Variants in DLGAP3 observed in about 807,000 individuals in gnomAD.
DLGAP3 encodes the protein disks large-associated protein 3.
A neutral mutation model predicts 81.2 loss-of-function variants in DLGAP3; 17 were observed. The ratio of observed to expected loss-of-function variants is 0.21; its 90% CI spans 0.14 to 0.31. The LOEUF (loss-of-function observed/expected upper bound fraction) is 0.31. Ranked by LOEUF, DLGAP3 falls within the 10% of genes least tolerant of loss-of-function variation. The probability of loss-of-function intolerance (pLI) is 1.00; values close to 1 mark genes in which losing one functional copy is unlikely to be tolerated. For synonymous variants in DLGAP3, 577 were observed against 587.4 expected (o/e 0.98, Z 0.26); for missense variants, 1,124 against 1,388.0 (o/e 0.81, Z 3.02).
At chr1:34,918,301 T>C (rs1368391241) in intron 1 of DLGAP3, among the ~76,000 whole-genome samples, 1 of 152,134 alleles carries the variant, frequency 6.6e-6, no homozygotes, top group Non-Finnish European at 1.5e-5. Flanking sequence ...CACCTCGAGG[T>C]GTGCCCTGGG....
At chr1:34,907,238 C>T (rs1003959929) in intron 2 of DLGAP3, 117 bp downstream of exon 2, 2 of 152,528 alleles carry the variant, frequency 1.3e-5, no homozygotes, top group African/African-American at 4.8e-5. Context: ...GAGCTCAAAA[C>T]GTTGAGGTCA....
chr1:34,904,293 G>A lies in DLGAP3; in HGVS notation c.1091C>T (p.Thr364Ile). The change falls in exon 3 of 12, where the codon ACT (threonine) becomes ATT (isoleucine). Residue 364 changes from threonine to isoleucine, a missense_variant. Coordinates refer to ENST00000373347, the MANE Select transcript of DLGAP3 (RefSeq NM_001080418.3). The surrounding 1 kb of genome is among the most constrained non-coding windows in gnomAD (Gnocchi z 8.1). ...LGPETKAKAR[T>I]YHYLQVPQDD... is the part of the protein sequence containing the mutation. ...AAGCCTCACCTGCAGATAGTGATAAGTCCTGGCTTTGGCCTTGGTCTCCGG... is the reference window on the plus strand; with the variant it reads ...AAGCCTCACCTGCAGATAGTGATAAATCCTGGCTTTGGCCTTGGTCTCCGG... 1 of 1,605,606 alleles carries A rather than the reference G, an allele frequency of 6.2e-7. No homozygotes were observed. The highest frequency in any genetic ancestry group is 8.5e-7 in the Non-Finnish European group (1 of 1,180,002).
intron 1 of DLGAP3, among the ~76,000 whole-genome samples, chr1:34,912,884 C>T (rs983665212): frequency 1.3e-5 from 2 of 152,202 alleles, no homozygotes; most frequent in Admixed American, 6.5e-5. Context: ...CTGCCCGCTC[C>T]GGCCCAGCCC....
chr1:34,914,010 AG>A (rs1311839664), intron 1 of DLGAP3, among the ~76,000 whole-genome samples: 1 of 152,158 alleles, frequency 6.6e-6, no homozygotes, highest in African/African-American at 2.4e-5. Context: ...AGAAGGAAAA[AG>A]GTGGCCCTCC....
chr1:34,918,081 G>A (rs1012826701), intron 1 of DLGAP3, among the ~76,000 whole-genome samples: 2 of 152,194 alleles, frequency 1.3e-5, no homozygotes, highest in African/African-American at 4.8e-5. Flanking sequence ...TGAGGCACAG[G>A]CAGAACCCTC....
chr1:34,919,050 C>A (rs1485912454), intron 1 of DLGAP3, among the ~76,000 whole-genome samples: 1 of 152,206 alleles, frequency 6.6e-6, no homozygotes, highest in Non-Finnish European at 1.5e-5. Flanking sequence ...GGCAGGTGGG[C>A]GGCTCTGGCG....
rs754237871 is a variant in DLGAP3 at position 34,868,843 on chromosome 1, C to T, written c.2247G>A (p.Pro749=). 7.6e-6 allele frequency: 12 copies of T among 1,581,084 alleles called. No homozygotes were observed. Among genetic ancestry groups the T allele is most frequent in the Middle Eastern group, 3.4e-4 (2 of 5,940 alleles). ...GGCCGGGCGACCCATCGGTGGCCGG[C>T]GGCTCGTACGGCAGTGGGTAGCCCT... The part of the protein sequence containing the change: ...YREGYPLPYE[P]PATDGSPGPA... The change falls in exon 9 of 12, where the codon CCG becomes CCA. Residue 749 remains proline (P), a synonymous_variant. Transcript: ENST00000373347. The surrounding 1 kb of genome is among the most constrained non-coding windows in gnomAD (Gnocchi z 7.5).
chr1:34,867,454 G>C lies in DLGAP3; in HGVS notation c.2577+82C>G. On this transcript the variant is annotated intron_variant, in intron 10 of 11. Coordinates refer to ENST00000373347, the MANE Select transcript of DLGAP3 (RefSeq NM_001080418.3). This position sits in a 1 kb window ranked among gnomAD's most constrained non-coding sequence, Gnocchi z 4.3. ...TCACCTCTGGTACACACTCACTCTG[G>C]GTCACCTGCCTGTCTCACCTCCAGC... The C allele has an allele frequency of 7.8e-7, 1 of 1,281,534 alleles. No individual in the cohort carries two copies. The highest frequency in any genetic ancestry group is 1.1e-6 in the Non-Finnish European group (1 of 877,146). 79.4% of individuals were successfully genotyped at this position (1,281,534 alleles called of 1,614,324 possible).
At chr1:34,881,429 A>C (rs1639142896) in intron 8 of DLGAP3, among the ~76,000 whole-genome samples, 1 of 152,160 alleles carries the variant, frequency 6.6e-6, no homozygotes, top group Non-Finnish European at 1.5e-5. Context: ...AACTTGCAGG[A>C]AGTCTTTTTA....
Position 34,904,382 on chromosome 1 carries a change from G to A in DLGAP3, c.1002C>T (p.Thr334=), listed in dbSNP as rs72894126. 829 of 1,613,732 alleles carry A rather than the reference G, an allele frequency of 5.1e-4. 8 individuals carry two copies. The African/African-American group carries it at 0.01, about 20-fold the overall frequency. The change falls in exon 3 of 12, where the codon ACC becomes ACT. Residue 334 remains threonine, a synonymous_variant. Transcript: ENST00000373347. This position sits in a 1 kb window ranked among gnomAD's most constrained non-coding sequence, Gnocchi z 8.1. ...GQSVKRSAWH[T]MMVSQGRDGY... ...CATCCCGGCCCTGGCTGACCATCAT[G>A]GTATGCCAGGCACTTCGCTTGACCG...
intron 5 of DLGAP3, among the ~76,000 whole-genome samples, chr1:34,891,784 C>A (rs554217424): frequency 6.6e-6 from 1 of 152,192 alleles, no homozygotes; most frequent in Admixed American, 6.5e-5. Context: ...ATGGGGGAAA[C>A]CCCTAAGAAA....
chr1:34,922,226 A>G (rs1173970245), intron 1 of DLGAP3, among the ~76,000 whole-genome samples: 1 of 152,132 alleles, frequency 6.6e-6, no homozygotes, highest in African/African-American at 2.4e-5. Context: ...CTTCTTTCAT[A>G]TGATGGAGAA....
intron 3 of DLGAP3, among the ~76,000 whole-genome samples, chr1:34,903,339 G>A (rs1639492148): frequency 1.3e-5 from 2 of 152,160 alleles, no homozygotes; most frequent in Admixed American, 6.5e-5. Context: ...TACACTGTGA[G>A]CTCCTCACAA....
At chr1:34,888,128 C>T (rs996036800) in intron 5 of DLGAP3, among the ~76,000 whole-genome samples, 2 of 152,182 alleles carry the variant, frequency 1.3e-5, no homozygotes, top group Non-Finnish European at 2.9e-5. Flanking sequence ...CTTGTGACAT[C>T]TCCCAGGAAA....
At chr1:34,922,381 CTCTT>C (rs1326789716) in intron 1 of DLGAP3, among the ~76,000 whole-genome samples, 4 of 152,170 alleles carry the variant, frequency 2.6e-5, no homozygotes, top group Admixed American at 2.0e-4. Context: ...ATCGGTCTCT[CTCTT>C]TCTTACATTT....
chr1:34,887,929 G>A (rs558387523), intron 5 of DLGAP3, among the ~76,000 whole-genome samples: 3 of 152,324 alleles, frequency 2.0e-5, no homozygotes, highest in Admixed American at 6.5e-5. Flanking sequence ...AGCGGCATGC[G>A]AAGGTCTCAG....
chr1:34,902,152 G>C lies in DLGAP3; in HGVS notation c.1108-1879C>G, dbSNP rs1042713964. 6.6e-6 allele frequency among the ~76,000 whole-genome samples: 1 copy of C among 152,062 alleles called. No individual in the cohort carries two copies. Among genetic ancestry groups the C allele is most frequent in the Non-Finnish European group, 1.5e-5 (1 of 68,002 alleles). ...GAAAATGAGGTGTAAGTGAAGACGT[G>C]GGGGAGAGGACTGGGGGAGGTAGGG... On this transcript the variant is annotated intron_variant, in intron 3 of 11. Coordinates refer to ENST00000373347, the MANE Select transcript of DLGAP3 (RefSeq NM_001080418.3). This position sits in a 1 kb window ranked among gnomAD's most constrained non-coding sequence, Gnocchi z 4.4.
chr1:34,868,582 C>A lies in DLGAP3; in HGVS notation c.2485+23G>T. On this transcript the variant is annotated intron_variant, in intron 9 of 11. Transcript: ENST00000373347. The surrounding 1 kb of genome is among the most constrained non-coding windows in gnomAD (Gnocchi z 7.5). Reference sequence around the variant, plus strand: ...ACGAGGCCATGGTCCCCAGAGTCCCCTTGTTCCGATGCCGTGACTCACTCT... The same window carrying A: ...ACGAGGCCATGGTCCCCAGAGTCCCATTGTTCCGATGCCGTGACTCACTCT... 6.2e-7 allele frequency: 1 copy of A among 1,601,544 alleles called. No individual in the cohort carries two copies. Among genetic ancestry groups the A allele is most frequent in the Non-Finnish European group, 8.5e-7 (1 of 1,170,706 alleles).
chr1:34,889,208 C>T (rs1458383089), intron 5 of DLGAP3, among the ~76,000 whole-genome samples: 1 of 152,172 alleles, frequency 6.6e-6, no homozygotes. Flanking sequence ...CACCCACAGG[C>T]AATACTCACA....
Sources: allele counts gnomAD v4.1 joint callset (sites outside exome capture counted in the v4.1 genomes callset), GRCh38; gene constraint gnomAD v4.1.1; non-coding constraint Gnocchi (gnomAD v3.1); transcripts MANE v1.5; gene names NCBI Gene and HGNC (gene_info 2026-07-23, HGNC 2026-07-21).